The following CHN2 variants were observed in gnomAD, a reference collection of about 807,000 sequenced individuals.
CHN2 encodes beta-chimaerin.
In CHN2, 35 loss-of-function variants were observed where a neutral mutation model predicts 56.3. That is an observed-to-expected ratio of 0.62 (90% CI 0.47 to 0.82). The LOEUF is 0.82. CHN2 is among the 40% of genes least tolerant of loss of function. The probability of loss-of-function intolerance (pLI) is 0.00; values close to 1 mark genes in which losing one functional copy is unlikely to be tolerated. For synonymous variants in CHN2, 210 were observed against 212.8 expected (o/e 0.99, Z 0.12); for missense variants, 491 against 580.5 (o/e 0.85, Z 1.58).
upstream of CHN2, chr7:29,194,721 C>T: frequency 2.4e-6 from 1 of 424,666 alleles, no homozygotes; most frequent in Non-Finnish European, 4.1e-6. Context: ...CGTGCAAAGG[C>T]GCGGAGCGGG....
At chr7:29,364,058 GTA>G (rs1798947953) in intron 2 of CHN2, among the ~76,000 whole-genome samples, 1 of 152,234 alleles carries the variant, frequency 6.6e-6, no homozygotes, top group African/African-American at 2.4e-5. Context: ...TCAAAAGGCT[GTA>G]TGTTAGCTCT....
intron 1 of CHN2, among the ~76,000 whole-genome samples, chr7:29,253,767 A>G (rs1474741169): frequency 3.3e-5 from 5 of 152,228 alleles, no homozygotes; most frequent in Non-Finnish European, 5.9e-5. Context: ...TGGGCAAGCT[A>G]TTTATCCTCT....
At chr7:29,288,595 G>C (rs750055444) in intron 1 of CHN2, among the ~76,000 whole-genome samples, 1 of 151,892 alleles carries the variant, frequency 6.6e-6, no homozygotes, top group African/African-American at 2.4e-5. Flanking sequence ...TAATCAAGGG[G>C]CTTGGCCATT....
chr7:29,417,110 C>T (rs995046004), intron 6 of CHN2, among the ~76,000 whole-genome samples: 7 of 152,200 alleles, frequency 4.6e-5, no homozygotes, highest in Non-Finnish European at 1.0e-4. Flanking sequence ...CCTTCTGGCT[C>T]CCCTGCCAGG....
At chr7:29,386,750 G>A (rs1015727194) in intron 3 of CHN2, among the ~76,000 whole-genome samples, 3 of 152,176 alleles carry the variant, frequency 2.0e-5, no homozygotes, top group East Asian at 1.9e-4. Flanking sequence ...GGGAATACAC[G>A]TGAATCCAAA....
intron 3 of CHN2, among the ~76,000 whole-genome samples, chr7:29,383,879 G>T (rs1176039516): frequency 6.6e-6 from 1 of 152,170 alleles, no homozygotes; most frequent in Non-Finnish European, 1.5e-5. Flanking sequence ...GTGATAAAAG[G>T]ATATAGGGAG....
intron 1 of CHN2, among the ~76,000 whole-genome samples, chr7:29,294,003 A>G (rs983684104): frequency 4.6e-5 from 7 of 151,394 alleles, no homozygotes; most frequent in Non-Finnish European, 1.0e-4. Flanking sequence ...AGTAGCTGGG[A>G]CTACAGGCGC....
intron 1 of CHN2, among the ~76,000 whole-genome samples, chr7:29,279,847 A>T (rs1053129182): frequency 7.2e-5 from 11 of 152,194 alleles, no homozygotes; most frequent in African/African-American, 2.4e-4. Flanking sequence ...TCTTAAGTAA[A>T]AGAGAAATGC....
intron 1 of CHN2, among the ~76,000 whole-genome samples, chr7:29,260,620 C>T (rs923915671): frequency 3.3e-5 from 5 of 152,142 alleles, no homozygotes; most frequent in Admixed American, 2.0e-4. Flanking sequence ...CAGCCGGGAT[C>T]CCTTATAAGA....
chr7:29,501,151 T>C (rs910561098), intron 9 of CHN2, among the ~76,000 whole-genome samples: 2 of 152,236 alleles, frequency 1.3e-5, no homozygotes, highest in Non-Finnish European at 2.9e-5. Flanking sequence ...GAGGATGTCA[T>C]AGCTTATTAT....
intron 2 of CHN2, among the ~76,000 whole-genome samples, chr7:29,152,368 G>C (rs1231749265): frequency 3.3e-5 from 5 of 152,166 alleles, no homozygotes; most frequent in Admixed American, 3.3e-4. Flanking sequence ...CAGTGAGAAA[G>C]AGAAAAGGTG....
chr7:29,152,017 G>A (rs75607487), intron 2 of CHN2, among the ~76,000 whole-genome samples: 3 of 152,162 alleles, frequency 2.0e-5, no homozygotes, highest in African/African-American at 2.4e-5. Flanking sequence ...TATTTTCTTC[G>A]AATGGAAATA....
chr7:29,507,446 A>T lies in CHN2; in HGVS notation c.1129+81A>T, dbSNP rs1790706932. On this transcript the variant is annotated intron_variant, in intron 11 of 12. Coordinates refer to ENST00000222792, the MANE Select transcript of CHN2 (RefSeq NM_004067.4). ...TGACCTTCAGATAATTAAAACTCAG[A>T]ACTGTTTAAATTATTGCATTTGTGC... The T allele has an allele frequency of 2.8e-6, 3 of 1,063,354 alleles. No homozygotes were observed. The South Asian group carries it at 4.6e-5, about 16-fold the overall frequency. 65.9% of individuals were successfully genotyped at this position (1,063,354 alleles called of 1,614,324 possible).
intron 1 of CHN2, among the ~76,000 whole-genome samples, chr7:29,226,346 C>A (rs1445032170): frequency 1.3e-5 from 2 of 152,274 alleles, no homozygotes; most frequent in African/African-American, 2.4e-5. Flanking sequence ...CAGAGTACAG[C>A]AGCATGAAAC....
chr7:29,436,518 C>T (rs1489018574), intron 6 of CHN2, among the ~76,000 whole-genome samples: 3 of 152,060 alleles, frequency 2.0e-5, no homozygotes, highest in Admixed American at 6.6e-5. Flanking sequence ...TTTCAGTCCC[C>T]GTTGTCCCCA....
In CHN2 at chr7:29,512,693, G is replaced by T; in HGVS notation, c.1365G>T (p.Leu455=). ...TGCATGATATGCGGTACCAAAAGCT[G>T]ATTGTGCAGATTTTAATAGAAAACG... ...TTLHDMRYQK[L]IVQILIENED... Residue 455 remains leucine (L), a synonymous_variant, in exon 13 of 13, where the codon CTG becomes CTT. Coordinates refer to ENST00000222792, the MANE Select transcript of CHN2 (RefSeq NM_004067.4). 6.2e-7 allele frequency: 1 copy of T among 1,614,148 alleles called. No individual in the cohort carries two copies. Among genetic ancestry groups the T allele is most frequent in the East Asian group, 2.2e-5 (1 of 44,876 alleles).
At position 29,427,242 on chromosome 7, in the gene CHN2, G is replaced by A. The variant is rs1223630836; in HGVS notation, c.576+26414G>A. Among the ~76,000 whole-genome samples, 4 of 152,252 alleles carry A rather than the reference G, an allele frequency of 2.6e-5. No individual in the cohort carries two copies. In the East Asian group the frequency reaches 5.8e-4, roughly 22 times the overall value. ...GAGGCACAAGAATCTCTTCAACCTG[G>A]GAGGCAGAGGTTGCAGTGAACTGAG... On this transcript the variant is annotated intron_variant, in intron 6 of 12. Transcript: ENST00000222792.
At chr7:29,292,386 TGA>T (rs10588056) in intron 1 of CHN2, among the ~76,000 whole-genome samples, 7,763 of 152,240 alleles carry the variant, frequency 0.051, 265 homozygotes, top group African/African-American at 0.089. Context: ...TAATAAATAT[TGA>T]GAAAAAATAG....
At chr7:29,204,592 G>A (rs191396615) in intron 1 of CHN2, among the ~76,000 whole-genome samples, 18 of 152,260 alleles carry the variant, frequency 1.2e-4, no homozygotes, top group Non-Finnish European at 2.6e-4. Flanking sequence ...TACCCTTTGA[G>A]TTGTTAATTT....
Sources: allele counts gnomAD v4.1 joint callset (sites outside exome capture counted in the v4.1 genomes callset), GRCh38; gene constraint gnomAD v4.1.1; transcripts MANE v1.5; gene names NCBI Gene and HGNC (gene_info 2026-07-23, HGNC 2026-07-21).